The following ARB2A variants were observed in gnomAD, a reference collection of about 807,000 sequenced individuals.
ARB2A encodes cotranscriptional regulator ARB2A.
the ARB2A span, among the ~76,000 whole-genome samples, chr5:94,000,972 T>C: frequency 6.6e-6 from 1 of 152,130 alleles, no homozygotes; most frequent in Admixed American, 6.6e-5. Flanking sequence ...TATGTGGGTC[T>C]ATCTCTGGGC....
chr5:93,898,564 C>T, the ARB2A span, among the ~76,000 whole-genome samples: 7 of 152,010 alleles, frequency 4.6e-5, no homozygotes, highest in Non-Finnish European at 7.4e-5. Context: ...AGAGTGAAAA[C>T]GACCAATTGT....
the ARB2A span, among the ~76,000 whole-genome samples, chr5:93,784,008 G>A: frequency 6.6e-6 from 1 of 152,132 alleles, no homozygotes; most frequent in Non-Finnish European, 1.5e-5. Context: ...AGGAGACTAA[G>A]TGTACCTTAT....
the ARB2A span, among the ~76,000 whole-genome samples, chr5:93,634,824 GGAGTGCAAGGGCGT>G: frequency 6.6e-6 from 1 of 151,956 alleles, no homozygotes; most frequent in Non-Finnish European, 1.5e-5. Flanking sequence ...TGCCCAGGCT[GGAGTGCAAGGGCGT>G]GATCTTGGCT....
chr5:94,083,060 A>AT, the ARB2A span, among the ~76,000 whole-genome samples: 2 of 152,216 alleles, frequency 1.3e-5, no homozygotes, highest in South Asian at 2.1e-4. Context: ...TCTACAAAAT[A>AT]TTTTTTTCCC....
the ARB2A span, among the ~76,000 whole-genome samples, chr5:93,674,201 T>C: frequency 6.6e-6 from 1 of 152,230 alleles, no homozygotes; most frequent in Non-Finnish European, 1.5e-5. Flanking sequence ...CACCTGATCG[T>C]AGCCCCATAT....
At chr5:93,865,529 A>G in the ARB2A span, 1 of 985,310 alleles carries the variant, frequency 1.0e-6, no homozygotes, top group Non-Finnish European at 1.2e-6. Flanking sequence ...TTATCACACT[A>G]CTAGTTATTT....
chr5:93,745,907 C>T, the ARB2A span, among the ~76,000 whole-genome samples: 2 of 152,054 alleles, frequency 1.3e-5, no homozygotes, highest in Non-Finnish European at 2.9e-5. Context: ...AGTTAAGGAG[C>T]AAGACAAAAG....
the ARB2A span, among the ~76,000 whole-genome samples, chr5:93,872,645 C>T: frequency 1.1e-4 from 17 of 152,236 alleles, no homozygotes; most frequent in African/African-American, 2.4e-4. Flanking sequence ...TGGCCAGGCG[C>T]GGTGGCTGAT....
chr5:93,929,410 C>G, the ARB2A span, among the ~76,000 whole-genome samples: 34 of 152,054 alleles, frequency 2.2e-4, no homozygotes, highest in Non-Finnish European at 4.4e-4. Flanking sequence ...TAATTTTATA[C>G]TGTAAAAATC....
chr5:93,817,804 T>C, the ARB2A span, among the ~76,000 whole-genome samples: 2 of 151,996 alleles, frequency 1.3e-5, no homozygotes, highest in East Asian at 1.9e-4. Flanking sequence ...TCACACAATA[T>C]ACAAAAACTA....
At chr5:93,651,371 A>G in the ARB2A span, among the ~76,000 whole-genome samples, 3 of 152,210 alleles carry the variant, frequency 2.0e-5, no homozygotes, top group Non-Finnish European at 4.4e-5. Flanking sequence ...CCTGGGCTCA[A>G]GTTATCCTTC....
At chr5:93,758,481 A>G in the ARB2A span, among the ~76,000 whole-genome samples, 1 of 152,186 alleles carries the variant, frequency 6.6e-6, no homozygotes, top group Non-Finnish European at 1.5e-5. Context: ...TCTCTAAGAT[A>G]GACCATATGA....
the ARB2A span, among the ~76,000 whole-genome samples, chr5:94,000,512 T>C: frequency 2.6e-5 from 4 of 152,114 alleles, no homozygotes; most frequent in African/African-American, 9.6e-5. Context: ...AATGGATTGT[T>C]ATTGTTGAGT....
At chr5:93,777,754 T>C in the ARB2A span, among the ~76,000 whole-genome samples, 1 of 152,334 alleles carries the variant, frequency 6.6e-6, no homozygotes, top group South Asian at 2.1e-4. Flanking sequence ...TCAAGTGTCT[T>C]ATTGTATTTC....
At chr5:94,081,797 A>G in the ARB2A span, among the ~76,000 whole-genome samples, 1 of 152,054 alleles carries the variant, frequency 6.6e-6, no homozygotes, top group Non-Finnish European at 1.5e-5. Context: ...TAGTGTCTCT[A>G]TGTATTAAAT....
At chr5:93,654,925 T>G in the ARB2A span, among the ~76,000 whole-genome samples, 2 of 152,208 alleles carry the variant, frequency 1.3e-5, no homozygotes, top group African/African-American at 4.8e-5. Context: ...TTTTTGTGTC[T>G]GGTTCCTGGT....
At chr5:93,815,558 T>G in the ARB2A span, among the ~76,000 whole-genome samples, 1 of 152,186 alleles carries the variant, frequency 6.6e-6, no homozygotes, top group African/African-American at 2.4e-5. Context: ...CTTGATTTGT[T>G]CACAATCCTT....
the ARB2A span, among the ~76,000 whole-genome samples, chr5:94,073,972 A>T: frequency 6.6e-6 from 1 of 152,058 alleles, no homozygotes; most frequent in South Asian, 2.1e-4. Flanking sequence ...ACTCCCATTT[A>T]ATTTTTTCAT....
At chr5:93,621,179 G>T in the ARB2A span, 1 of 1,532,356 alleles carries the variant, frequency 6.5e-7, no homozygotes, top group Admixed American at 1.9e-5. Context: ...GGGGCCAGGC[G>T]CGGTGAGGGC....
Sources: gnomAD v4.1 joint callset for allele counts (sites outside exome capture counted in the v4.1 genomes callset) on GRCh38, gnomAD v4.1.1 for gene constraint, MANE v1.5 for transcripts, NCBI Gene and HGNC (gene_info 2026-07-23, HGNC 2026-07-21) for gene names.